Variants in TRABD2B observed in about 807,000 individuals in gnomAD.
The protein encoded by TRABD2B is TraB domain containing 2B.
TRABD2B carries 14 observed loss-of-function variants against 40.1 expected under a neutral mutation model. That is an observed-to-expected ratio of 0.35 (90% CI 0.23 to 0.55). The LOEUF is 0.55. Ranked by LOEUF, TRABD2B falls within the 20% of genes least tolerant of loss-of-function variation. TRABD2B has a pLI of 0.90. For missense variants in TRABD2B, 541 were observed against 648.6 expected (o/e 0.83, Z 1.80); for synonymous variants, 263 against 277.0 (o/e 0.95, Z 0.50).
chr1:47,961,917 T>C (rs1320368079), intron 2 of TRABD2B, among the ~76,000 whole-genome samples: 2 of 152,222 alleles, frequency 1.3e-5, no homozygotes, highest in Non-Finnish European at 2.9e-5. Context: ...TGCACACGTA[T>C]GTTTACTGCA....
At chr1:47,770,350 G>A (rs2352878) in intron 6 of TRABD2B, among the ~76,000 whole-genome samples, 98,376 of 152,006 alleles carry the variant, frequency 0.65, 32,436 homozygotes, top group East Asian at 0.98. Flanking sequence ...GCGGCTCTGG[G>A]TATCTAGGAC....
At chr1:47,792,335 G>A (rs190835282) in intron 4 of TRABD2B, among the ~76,000 whole-genome samples, 32 of 152,356 alleles carry the variant, frequency 2.1e-4, no homozygotes, top group Admixed American at 1.5e-3. Flanking sequence ...CAAAGACACA[G>A]CGATGATTAA....
In TRABD2B at chr1:47,801,590, C is replaced by T. The variant is rs1290371820; in HGVS notation, c.696G>A (p.Leu232=). 9 of 1,535,942 alleles carry T rather than the reference C, an allele frequency of 5.9e-6. No homozygotes were observed. Among genetic ancestry groups the T allele is most frequent in the Non-Finnish European group, 7.0e-6 (8 of 1,146,804 alleles). ...TCCCGGCCCGCACACTCTCCTGCTG[C>T]AGCAGGGTTTGGTTCAGGGCAAACA... is the stretch of plus-strand genomic sequence containing the variant. ...QVLFALNQTL[L]QQESVRAGSL... is the part of the protein sequence containing the mutation. The change falls in exon 3 of 7, where the codon CTG becomes CTA. Residue 232 remains leucine, a synonymous_variant. Transcript: ENST00000606738.
intron 2 of TRABD2B, among the ~76,000 whole-genome samples, chr1:47,864,214 C>A (rs866024324): frequency 6.6e-6 from 1 of 151,850 alleles, no homozygotes. Context: ...GAATGTACAC[C>A]ACCAAGAGGG....
intron 2 of TRABD2B, among the ~76,000 whole-genome samples, chr1:47,890,000 G>A (rs1187085714): frequency 6.6e-6 from 1 of 152,220 alleles, no homozygotes; most frequent in African/African-American, 2.4e-5. Context: ...TGGATGGAAT[G>A]AAGTTGCTGA....
At chr1:47,900,186 T>C (rs879900531) in intron 2 of TRABD2B, among the ~76,000 whole-genome samples, 2 of 151,600 alleles carry the variant, frequency 1.3e-5, no homozygotes, top group African/African-American at 2.4e-5. Flanking sequence ...CAGAAGAGGG[T>C]GCTGTTGGCA....
intron 2 of TRABD2B, among the ~76,000 whole-genome samples, chr1:47,894,365 G>C (rs1478460607): frequency 6.6e-6 from 1 of 152,184 alleles, no homozygotes; most frequent in Non-Finnish European, 1.5e-5. Flanking sequence ...CACATAAAGT[G>C]CTTTGAACAG....
At chr1:47,852,711 T>C (rs1267179417) in intron 2 of TRABD2B, among the ~76,000 whole-genome samples, 3 of 152,128 alleles carry the variant, frequency 2.0e-5, no homozygotes, top group South Asian at 2.1e-4. Flanking sequence ...GGAGGTACCA[T>C]TGTTATCCCC....
At chr1:47,863,957 A>G (rs1010002759) in intron 2 of TRABD2B, among the ~76,000 whole-genome samples, 3 of 152,202 alleles carry the variant, frequency 2.0e-5, no homozygotes, top group African/African-American at 7.2e-5. Context: ...GACATAATGG[A>G]AACTGAAATG....
intron 2 of TRABD2B, among the ~76,000 whole-genome samples, chr1:47,820,782 CCACACACACACACA>C (rs56348753): frequency 3.1e-4 from 45 of 147,208 alleles, no homozygotes; most frequent in East Asian, 3.0e-3. Context: ...TTCACACACA[CCACACACACACACA>C]CACACACACA....
intron 2 of TRABD2B, among the ~76,000 whole-genome samples, chr1:47,846,921 C>T (rs1645480369): frequency 7.0e-6 from 1 of 142,820 alleles, no homozygotes; most frequent in African/African-American, 2.5e-5. Flanking sequence ...GCCCTCTGAC[C>T]CTCAGCTCGA....
At chr1:47,775,139 C>A in intron 6 of TRABD2B, 31 bp downstream of exon 6, 2 of 1,232,896 alleles carry the variant, frequency 1.6e-6, no homozygotes, top group Non-Finnish European at 2.0e-6. Flanking sequence ...AGACGCCCAG[C>A]TCCTGGGCAG....
At position 47,965,222 on chromosome 1, in the gene TRABD2B, GT is replaced by G. The variant is rs1557684259; in HGVS notation, c.666+28811del. Among the ~76,000 whole-genome samples the G allele has an allele frequency of 1.7e-3, 181 of 105,372 alleles. 15 individuals carry two copies. Among genetic ancestry groups the G allele is most frequent in the African/African-American group, 5.9e-3 (155 of 26,216 alleles). The allele number at this position is 105,372 out of a possible 152,430, so 69.1% of individuals were successfully genotyped here. On this transcript the variant is annotated intron_variant, in intron 2 of 6. Transcript: ENST00000606738. ...GGGGCGGGGGGGGGTGGAGGGGGGG[GT>G]GGGGGGGGTGGATGGGGAGGTGGGG...
intron 2 of TRABD2B, among the ~76,000 whole-genome samples, chr1:47,965,225 G>A (rs1317685285): frequency 8.5e-6 from 1 of 117,736 alleles, no homozygotes; most frequent in African/African-American, 3.2e-5. Context: ...GGGGGGGGTG[G>A]GGGGGGTGGA....
chr1:47,914,191 C>T (rs1267804057), intron 2 of TRABD2B, among the ~76,000 whole-genome samples: 1 of 152,212 alleles, frequency 6.6e-6, no homozygotes, highest in Non-Finnish European at 1.5e-5. Context: ...CGTCGTGAGC[C>T]CCAGTCCCAA....
intron 2 of TRABD2B, among the ~76,000 whole-genome samples, chr1:47,918,394 C>G (rs556298807): frequency 1.3e-5 from 2 of 152,326 alleles, no homozygotes; most frequent in African/African-American, 4.8e-5. Flanking sequence ...GACCCACCCT[C>G]CGAGTTACAT....
intron 2 of TRABD2B, among the ~76,000 whole-genome samples, chr1:47,811,789 G>C (rs1363903253): frequency 1.3e-5 from 2 of 152,226 alleles, no homozygotes. Context: ...ACCCAGACCA[G>C]CTGTGAGACC....
chr1:47,781,508 G>A (rs1308740979), intron 4 of TRABD2B, among the ~76,000 whole-genome samples: 2 of 152,206 alleles, frequency 1.3e-5, no homozygotes, highest in African/African-American at 2.4e-5. Context: ...AATGGTCCAC[G>A]TGTCTGGCCG....
intron 4 of TRABD2B, among the ~76,000 whole-genome samples, chr1:47,789,855 C>G (rs1437169985): frequency 6.6e-6 from 1 of 151,996 alleles, no homozygotes; most frequent in Non-Finnish European, 1.5e-5. Flanking sequence ...TATCATTTTT[C>G]CCCCCTCTCT....
Sources: gnomAD v4.1 joint callset for allele counts (sites outside exome capture counted in the v4.1 genomes callset) on GRCh38, gnomAD v4.1.1 for gene constraint, MANE v1.5 for transcripts, NCBI Gene and HGNC (gene_info 2026-07-23, HGNC 2026-07-21) for gene names.